Variants in ABHD2 observed in about 807,000 individuals in gnomAD.
ABHD2 encodes monoacylglycerol lipase ABHD2.
In ABHD2, 20 loss-of-function variants were observed where a neutral mutation model predicts 48.1. The ratio of observed to expected loss-of-function variants is 0.42; its 90% CI spans 0.29 to 0.60. The LOEUF (loss-of-function observed/expected upper bound fraction) is 0.60. Ranked by LOEUF, ABHD2 falls within the 20% of genes least tolerant of loss-of-function variation. The pLI is 0.24. For missense variants in ABHD2, 405 were observed against 550.9 expected, an observed-to-expected ratio of 0.74 and a Z score of 2.65; for synonymous variants, 209 against 214.2, an observed-to-expected ratio of 0.98 and a Z score of 0.21.
At chr15:89,084,237 T>G (rs1901320560), upstream of ABHD2, among the ~76,000 whole-genome samples, 1 of 150,216 alleles carries the variant, frequency 6.7e-6, no homozygotes, top group African/African-American at 2.4e-5. This position sits in a 1 kb window ranked among gnomAD's most constrained non-coding sequence, Gnocchi z 4.4. Flanking sequence ...AAATCCTGCA[T>G]GTGTTGGAGA....
chr15:89,150,306 CTGA>C (rs1253044191), intron 3 of ABHD2, among the ~76,000 whole-genome samples: 31 of 152,286 alleles, frequency 2.0e-4, no homozygotes, highest in Middle Eastern at 3.4e-3. Flanking sequence ...ACTTGGTAGT[CTGA>C]AATCCTTTAT....
chr15:89,050,795 G>C, the ABHD2 span, among the ~76,000 whole-genome samples: 6 of 152,214 alleles, frequency 3.9e-5, no homozygotes, highest in Non-Finnish European at 8.8e-5. Context: ...GAGTTAGGGA[G>C]CTTGGGGAAA....
At chr15:89,073,417 T>G in the ABHD2 span, among the ~76,000 whole-genome samples, 1 of 152,126 alleles carries the variant, frequency 6.6e-6, no homozygotes, top group Admixed American at 6.6e-5. Context: ...TGCCTCAGCC[T>G]CCCAAGTAGC....
chr15:89,148,652 A>C (rs1336388671), intron 3 of ABHD2, among the ~76,000 whole-genome samples: 1 of 152,246 alleles, frequency 6.6e-6, no homozygotes, highest in African/African-American at 2.4e-5. Context: ...ATATCTCCTA[A>C]GGGCCAGGCC....
the ABHD2 span, among the ~76,000 whole-genome samples, chr15:89,045,002 A>T: frequency 2.0e-5 from 3 of 151,674 alleles, no homozygotes; most frequent in Non-Finnish European, 2.9e-5. Context: ...TGAATGGTAA[A>T]GCCTAGGTTT....
chr15:89,069,463 G>A, the ABHD2 span, among the ~76,000 whole-genome samples: 1 of 151,884 alleles, frequency 6.6e-6, no homozygotes, highest in African/African-American at 2.4e-5. Flanking sequence ...ATATAATTTA[G>A]TAGTTTAGAA....
At position 89,201,373 on chromosome 15, in the gene ABHD2, TG is replaced by T; in HGVS notation, c.*5953del. The T allele has an allele frequency of 9.2e-7, 1 of 1,083,580 alleles. No homozygotes were observed. The highest frequency in any genetic ancestry group is 1.4e-6 in the Non-Finnish European group (1 of 710,054). The allele number at this position is 1,083,580 out of a possible 1,614,324, so 67.1% of individuals were successfully genotyped here. A position where few individuals can be genotyped will look rare whatever the true frequency, so the allele number is the denominator to read the frequency against. ...GCCCGTCTTGCTTAGATGCATTCAG[TG>T]GGACAGCTTTGCTGGGTTCCATGTC... On this transcript the variant is annotated 3_prime_UTR_variant, in exon 11 of 11. Coordinates refer to ENST00000352732, the MANE Select transcript of ABHD2 (RefSeq NM_152924.5).
the ABHD2 span, among the ~76,000 whole-genome samples, chr15:89,044,473 C>T: frequency 6.6e-6 from 1 of 152,024 alleles, no homozygotes; most frequent in Non-Finnish European, 1.5e-5. Flanking sequence ...CCTGAGGAAT[C>T]GCCACACTGA....
At chr15:89,110,313 C>T (rs936056712) in intron 1 of ABHD2, among the ~76,000 whole-genome samples, 7 of 152,136 alleles carry the variant, frequency 4.6e-5, no homozygotes, top group Admixed American at 2.0e-4. Context: ...CCGCCCGCCT[C>T]GGCCTGCAAA....
intron 3 of ABHD2, among the ~76,000 whole-genome samples, chr15:89,147,933 A>G (rs1203925730): frequency 1.3e-5 from 2 of 151,474 alleles, no homozygotes; most frequent in East Asian, 3.9e-4. Context: ...CCTGGCCAAC[A>G]TGGTAAAACC....
At chr15:89,055,315 A>G in the ABHD2 span, among the ~76,000 whole-genome samples, 9 of 146,168 alleles carry the variant, frequency 6.2e-5, no homozygotes, top group African/African-American at 2.3e-4. Context: ...AAAGTAAAAC[A>G]CTAGTTTCTT....
At chr15:89,044,865 TC>T in the ABHD2 span, among the ~76,000 whole-genome samples, 2 of 151,986 alleles carry the variant, frequency 1.3e-5, no homozygotes, top group African/African-American at 4.8e-5. Context: ...GCCTGTTCAC[TC>T]TGATGGTAGT....
Position 89,186,308 on chromosome 15 carries a change from G to A in ABHD2, c.815+792G>A, listed in dbSNP as rs1209263122. On this transcript the variant is annotated intron_variant, in intron 7 of 10. Transcript: ENST00000352732. The surrounding 1 kb of genome is among the most constrained non-coding windows in gnomAD (Gnocchi z 4.3). ...TCTCCGCCTCGTAATCCTGTGGTGG[G>A]TTAACCTGTCAAGTGCTTAGAGCAG... Among the ~76,000 whole-genome samples the A allele has an allele frequency of 6.6e-6, 1 of 152,162 alleles. No individual in the cohort carries two copies. The highest frequency in any genetic ancestry group is 1.5e-5 in the Non-Finnish European group (1 of 68,038).
At chr15:89,112,060 G>A (rs947052931) in intron 1 of ABHD2, among the ~76,000 whole-genome samples, 2 of 152,068 alleles carry the variant, frequency 1.3e-5, no homozygotes, top group Admixed American at 6.5e-5. Context: ...TGCTTACGGG[G>A]ACCATTCAGG....
intron 3 of ABHD2, among the ~76,000 whole-genome samples, chr15:89,118,893 C>T (rs2050003983): frequency 6.6e-6 from 1 of 152,120 alleles, no homozygotes; most frequent in Admixed American, 6.5e-5. Flanking sequence ...AGCACATTTT[C>T]TTGATGAGTC....
rs2051442755 is a variant in ABHD2, at chr15:89,199,201, C to T, written c.*3778C>T. ...GTTTGCCAGCTCCTGGGAAACAATA[C>T]ATGTGTTCTTGTTTGTGTTTGCTCA... On this transcript the variant is annotated 3_prime_UTR_variant, in exon 11 of 11. Transcript: ENST00000352732. This position sits in a 1 kb window ranked among gnomAD's most constrained non-coding sequence, Gnocchi z 4.1. 1 of 151,934 alleles carries T rather than the reference C, an allele frequency of 6.6e-6. No individual in the cohort carries two copies. The highest frequency in any genetic ancestry group is 2.1e-4 in the South Asian group (1 of 4,808). 9.4% of individuals were successfully genotyped at this position (151,934 alleles called of 1,614,324 possible). A position where few individuals can be genotyped will look rare whatever the true frequency, so the allele number is the denominator to read the frequency against.
intron 3 of ABHD2, among the ~76,000 whole-genome samples, chr15:89,123,570 T>C (rs547323925): frequency 8.5e-4 from 129 of 151,410 alleles, no homozygotes; most frequent in Middle Eastern, 6.8e-3. Context: ...TTCTCTTTTT[T>C]TTTCTCCTTT....
chr15:89,075,905 A>C, the ABHD2 span, among the ~76,000 whole-genome samples: 2 of 152,242 alleles, frequency 1.3e-5, no homozygotes, highest in African/African-American at 4.8e-5. This position sits in a 1 kb window ranked among gnomAD's most constrained non-coding sequence, Gnocchi z 4.1. Context: ...CCAAGCTACC[A>C]AGATGTCAAG....
chr15:89,090,532 C>G (rs1901554946), intron 1 of ABHD2, among the ~76,000 whole-genome samples: 1 of 139,122 alleles, frequency 7.2e-6, no homozygotes, highest in Non-Finnish European at 1.5e-5. Context: ...CATTTTAACA[C>G]AGACAGCTGC....
Sources: allele counts gnomAD v4.1 joint callset (sites outside exome capture counted in the v4.1 genomes callset), GRCh38; gene constraint gnomAD v4.1.1; non-coding constraint Gnocchi (gnomAD v3.1); transcripts MANE v1.5; gene names NCBI Gene and HGNC (gene_info 2026-07-23, HGNC 2026-07-21).